Variants in FAM184B observed in about 807,000 individuals in gnomAD.
The protein encoded by FAM184B is family with sequence similarity 184 member B.
FAM184B carries 111 observed loss-of-function variants against 135.9 expected under a neutral mutation model. That is an observed-to-expected ratio of 0.82 (90% CI 0.70 to 0.96). The LOEUF is 0.96. FAM184B is among the 40% of genes least tolerant of loss of function. The pLI is 0.00. For missense variants in FAM184B, 1,375 were observed against 1,323.9 expected (o/e 1.04, Z -0.60); for synonymous variants, 552 against 524.8 (o/e 1.05, Z -0.71).
intron 11 of FAM184B, among the ~76,000 whole-genome samples, chr4:17,650,537 A>G (rs567559370): frequency 6.6e-6 from 1 of 152,254 alleles, no homozygotes; most frequent in South Asian, 2.1e-4. Context: ...CAGAAAAGCC[A>G]GGGAAGGGGT....
chr4:17,740,054 T>TA (rs1717997274), intron 1 of FAM184B, among the ~76,000 whole-genome samples: 1 of 151,926 alleles, frequency 6.6e-6, no homozygotes, highest in Admixed American at 6.6e-5. Context: ...CAGGCACTCA[T>TA]AAAAAAATGT....
intron 1 of FAM184B, among the ~76,000 whole-genome samples, chr4:17,732,617 C>A (rs1202503616): frequency 6.6e-6 from 1 of 152,186 alleles, no homozygotes; most frequent in Admixed American, 6.5e-5. Context: ...GACACATACA[C>A]CCTCCCAAGA....
intron 3 of FAM184B, among the ~76,000 whole-genome samples, chr4:17,706,236 A>G (rs1413354075): frequency 1.3e-5 from 2 of 152,216 alleles, no homozygotes; most frequent in Non-Finnish European, 2.9e-5. Flanking sequence ...TATTTAATAT[A>G]AGCAGAATGA....
At chr4:17,647,907 T>C (rs1715512933) in intron 11 of FAM184B, 116 bp from the exon 12 acceptor site, 1 of 1,217,814 alleles carries the variant, frequency 8.2e-7, no homozygotes, top group Non-Finnish European at 1.1e-6. Context: ...TGAAGGCTTG[T>C]GGTGGGTTAG....
intron 14 of FAM184B, 138 bp downstream of exon 14, chr4:17,639,112 C>T: frequency 1.2e-6 from 1 of 828,140 alleles, no homozygotes; most frequent in Non-Finnish European, 1.9e-6. Flanking sequence ...GGATTCCAGG[C>T]ATGAGCCACC....
chr4:17,698,940 C>T (rs760977704), intron 5 of FAM184B, among the ~76,000 whole-genome samples: 20 of 151,836 alleles, frequency 1.3e-4, no homozygotes, highest in Non-Finnish European at 2.5e-4. Context: ...AAAAATGTGT[C>T]TCATAAAGAG....
chr4:17,750,814 C>T (rs1718273342), intron 1 of FAM184B, among the ~76,000 whole-genome samples: 1 of 152,134 alleles, frequency 6.6e-6, no homozygotes, highest in Non-Finnish European at 1.5e-5. Context: ...AACAAAGCCC[C>T]AGTTTTGTTC....
chr4:17,632,519 C>T lies in FAM184B; in HGVS notation c.*13G>A, dbSNP rs1487969399. The stretch of plus-strand genomic sequence containing the variant: ...TTTTCAAGTATCCTCTGTGATGTAT[C>T]CCAAAGGTTAGCTTAGAAAGAAAAG... On this transcript the variant is annotated 3_prime_UTR_variant, in exon 18 of 18. Transcript: ENST00000265018. 6 of 1,542,020 alleles carry T rather than the reference C, an allele frequency of 3.9e-6. No homozygotes were observed. Among genetic ancestry groups the T allele is most frequent in the Non-Finnish European group, 5.3e-6 (6 of 1,139,198 alleles).
In FAM184B at chr4:17,705,189, A is replaced by C; in HGVS notation, c.1188T>G (p.Ser396Arg). Residue 396 changes from serine (S) to arginine (R), a missense_variant, in exon 5 of 18, where the codon AGT becomes AGG. Transcript: ENST00000265018. Reference protein sequence around the residue: ...GTDMQTKKEASAETEYMKQQY... With the variant: ...GTDMQTKKEARAETEYMKQQY... Reference sequence around the variant, plus strand: ...GTTGCTTCATATATTCTGTCTCAGCACTTGCCTCTTTCTTGGTCTATAAAA... The same window carrying C: ...GTTGCTTCATATATTCTGTCTCAGCCCTTGCCTCTTTCTTGGTCTATAAAA... The C allele has an allele frequency of 6.4e-7, 1 of 1,551,676 alleles. No individual in the cohort carries two copies. The highest frequency in any genetic ancestry group is 8.7e-7 in the Non-Finnish European group (1 of 1,146,992).
chr4:17,780,919 T>C (rs1719020383), intron 1 of FAM184B, among the ~76,000 whole-genome samples: 1 of 152,142 alleles, frequency 6.6e-6, no homozygotes, highest in African/African-American at 2.4e-5. Context: ...ACAGACCACC[T>C]GCCCAGCCAG....
intron 1 of FAM184B, among the ~76,000 whole-genome samples, chr4:17,762,220 A>T (rs542964480): frequency 6.6e-6 from 1 of 152,340 alleles, no homozygotes; most frequent in African/African-American, 2.4e-5. Flanking sequence ...TTAACAAAGG[A>T]TCCCCTATGA....
chr4:17,646,193 T>A (rs993095579), intron 12 of FAM184B, among the ~76,000 whole-genome samples: 1 of 152,024 alleles, frequency 6.6e-6, no homozygotes, highest in African/African-American at 2.4e-5. Flanking sequence ...GATCTAGAAC[T>A]AGAAATACCA....
intron 8 of FAM184B, among the ~76,000 whole-genome samples, chr4:17,660,499 C>T (rs1715891721): frequency 6.6e-6 from 1 of 152,096 alleles, no homozygotes; most frequent in Admixed American, 6.6e-5. Flanking sequence ...ACGACAACAA[C>T]ACTTCACTTT....
chr4:17,742,706 T>C (rs1718071419), intron 1 of FAM184B, among the ~76,000 whole-genome samples: 1 of 152,168 alleles, frequency 6.6e-6, no homozygotes, highest in Admixed American at 6.5e-5. Flanking sequence ...CAGGGAAAGA[T>C]CACCTTCCCA....
chr4:17,754,482 C>T (rs1390113108), intron 1 of FAM184B, among the ~76,000 whole-genome samples: 1 of 146,388 alleles, frequency 6.8e-6, no homozygotes, highest in Non-Finnish European at 1.5e-5. Flanking sequence ...ACCCGGGAGG[C>T]GGAGGTTGAA....
chr4:17,709,549 T>G lies in FAM184B; in HGVS notation c.237A>C (p.Ala79=). ...AHQEELQNAV[A]ETKARLLQEQ... The stretch of plus-strand genomic sequence containing the variant: ...CCTGCAGGAGCCTGGCCTTGGTCTC[T>G]GCCACCGCATTCTGGAGCTCCTCCT... The change falls in exon 2 of 18, where the codon GCA becomes GCC. Residue 79 remains alanine, a synonymous_variant. Coordinates refer to ENST00000265018, the MANE Select transcript of FAM184B (RefSeq NM_015688.2). 1 of 1,550,846 alleles carries G rather than the reference T, an allele frequency of 6.4e-7. No homozygotes were observed. Among genetic ancestry groups the G allele is most frequent in the Non-Finnish European group, 8.7e-7 (1 of 1,146,938 alleles).
chr4:17,686,928 A>C (rs1560176350), intron 7 of FAM184B, among the ~76,000 whole-genome samples: 5 of 152,216 alleles, frequency 3.3e-5, no homozygotes, highest in Non-Finnish European at 5.9e-5. Flanking sequence ...GCAACAGAGA[A>C]AGACCCTGTC....
At chr4:17,725,407 C>T (rs530135885) in intron 1 of FAM184B, among the ~76,000 whole-genome samples, 12 of 152,276 alleles carry the variant, frequency 7.9e-5, no homozygotes, top group Middle Eastern at 3.4e-3. Context: ...TTAAGAAATG[C>T]TATTTTTCTC....
At chr4:17,756,123 T>C (rs1268068161) in intron 1 of FAM184B, among the ~76,000 whole-genome samples, 1 of 152,090 alleles carries the variant, frequency 6.6e-6, no homozygotes, top group Non-Finnish European at 1.5e-5. Flanking sequence ...CTTCAGTGTA[T>C]AAATTGGGGG....
Sources: gnomAD v4.1 joint callset for allele counts (sites outside exome capture counted in the v4.1 genomes callset) on GRCh38, gnomAD v4.1.1 for gene constraint, MANE v1.5 for transcripts, NCBI Gene and HGNC (gene_info 2026-07-23, HGNC 2026-07-21) for gene names.